The following WRN variants were observed in gnomAD, a reference collection of about 807,000 sequenced individuals.
WRN encodes the protein WRN RecQ like helicase.
WRN carries 149 observed loss-of-function variants against 180.7 expected under a neutral mutation model. The observed-to-expected ratio is 0.82, with a 90% CI of 0.72 to 0.94. The LOEUF is 0.94. Among genes scored for constraint, WRN ranks in the 40% least tolerant of loss-of-function variants. The pLI is 0.00. For missense variants in WRN, 1,661 were observed against 1,700.1 expected (o/e 0.98, Z 0.40); for synonymous variants, 548 against 568.9 (o/e 0.96, Z 0.52).
intron 16 of WRN, among the ~76,000 whole-genome samples, chr8:31,094,158 C>CT: frequency 6.6e-6 from 1 of 152,172 alleles, no homozygotes; most frequent in Admixed American, 6.5e-5. Context: ...GTTTAACTTT[C>CT]TTTTTTCTAA....
At chr8:31,122,860 G>GTTTTTTTTTT (rs71206298) in intron 21 of WRN, among the ~76,000 whole-genome samples, 10 of 69,484 alleles carry the variant, frequency 1.4e-4, no homozygotes, top group Non-Finnish European at 2.4e-4. Flanking sequence ...TTCTTTTCTT[G>GTTTTTTTTTT]TTTTTTTTTT....
intron 24 of WRN, among the ~76,000 whole-genome samples, chr8:31,140,003 GTTTTTTTTTTTT>G (rs71539917): frequency 1.4e-4 from 9 of 62,086 alleles, no homozygotes; most frequent in Admixed American, 2.8e-4. Flanking sequence ...ATACTTCTTT[GTTTTTTTTTTTT>G]TTTTTTTTTT....
chr8:31,110,948 T>C (rs141354500), intron 18 of WRN, among the ~76,000 whole-genome samples: 1 of 152,344 alleles, frequency 6.6e-6, no homozygotes, highest in African/African-American at 2.4e-5. Context: ...TTCATGCTTT[T>C]CCTGATAACT....
chr8:31,056,735 TATTA>T (rs1418093274), intron 1 of WRN, among the ~76,000 whole-genome samples: 1 of 152,046 alleles, frequency 6.6e-6, no homozygotes, highest in African/African-American at 2.4e-5. Context: ...ACTCCTGTAT[TATTA>T]ATTATGTGGT....
chr8:31,042,069 C>G (rs1811680812), intron 1 of WRN, among the ~76,000 whole-genome samples: 1 of 152,026 alleles, frequency 6.6e-6, no homozygotes, highest in South Asian at 2.1e-4. Context: ...CTTAAAAGCC[C>G]CAGTTAGATG....
Position 31,141,560 on chromosome 8 carries a change from G to T in WRN, c.3098G>T (p.Arg1033Leu), listed in dbSNP as rs367789256. The T allele has an allele frequency of 7.4e-6, 12 of 1,614,060 alleles. No homozygotes were observed. Among genetic ancestry groups the T allele is most frequent in the South Asian group, 1.1e-5 (1 of 91,064 alleles). ...ITEGFLVEVSRYNKFMKICAL... is the reference protein window; with the variant it reads ...ITEGFLVEVSLYNKFMKICAL... ...GAGGGATTCTTGGTAGAAGTTTCTC[G>T]GTATAACAAATTTATGAAGATTTGC... Residue 1033 changes from arginine to leucine, a missense_variant, in exon 25 of 35, where the codon CGG becomes CTG. This residue lies in a region of WRN where 1,141 missense variants were observed against 1,149.4 expected (regional missense o/e 0.99). Coordinates refer to ENST00000298139, the MANE Select transcript of WRN (RefSeq NM_000553.6).
chr8:31,062,055 C>G (rs1422779641), intron 3 of WRN, among the ~76,000 whole-genome samples: 1 of 152,148 alleles, frequency 6.6e-6, no homozygotes, highest in Non-Finnish European at 1.5e-5. Context: ...CCTTGGGATT[C>G]TTCTCCCTGT....
intron 1 of WRN, among the ~76,000 whole-genome samples, chr8:31,047,415 A>G (rs11778723): frequency 0.5 from 76,096 of 151,910 alleles, 20,452 homozygotes; most frequent in Middle Eastern, 0.61. Flanking sequence ...GGCACGTACC[A>G]CTACATCCAG....
intron 6 of WRN, 134 bp downstream of exon 6, chr8:31,067,316 G>C: frequency 9.6e-7 from 1 of 1,045,080 alleles, no homozygotes; most frequent in South Asian, 1.5e-5. Flanking sequence ...ATTGAAAAAT[G>C]CTTAGGAAGA....
chr8:31,077,138 A>G (rs2130099560), intron 8 of WRN, among the ~76,000 whole-genome samples: 1 of 152,340 alleles, frequency 6.6e-6, no homozygotes, highest in Non-Finnish European at 1.5e-5. Context: ...TTTGATTGAG[A>G]TTTAAAACCA....
intron 32 of WRN, among the ~76,000 whole-genome samples, chr8:31,157,081 CG>C (rs1167006798): frequency 6.6e-6 from 1 of 152,148 alleles, no homozygotes; most frequent in Non-Finnish European, 1.5e-5. Flanking sequence ...CTGCCACTAA[CG>C]GCTTTCTAAA....
chr8:31,044,372 G>A (rs1266184754), intron 1 of WRN, among the ~76,000 whole-genome samples: 2 of 62,038 alleles, frequency 3.2e-5, no homozygotes, highest in South Asian at 5.3e-4. Context: ...TTTTTGAGAC[G>A]TTGAGATAGA....
In WRN at chr8:31,174,148, A is replaced by G. The variant is rs1415169612; in HGVS notation, c.*1046A>G. ...TCATTTGTTTTTAGTTAAAATATAA[A>G]AGTCTCGTATATTCCCATTTTTCTG... On this transcript the variant is annotated 3_prime_UTR_variant, in exon 35 of 35. Coordinates refer to ENST00000298139, the MANE Select transcript of WRN (RefSeq NM_000553.6). Among the ~76,000 whole-genome samples the G allele has an allele frequency of 2.0e-5, 3 of 152,204 alleles. No homozygotes were observed. Among genetic ancestry groups the G allele is most frequent in the African/African-American group, 7.2e-5 (3 of 41,452 alleles).
rs76337727 is a variant in WRN at position 31,067,398 on chromosome 8, A to G, written c.654+216A>G. Among the ~76,000 whole-genome samples the G allele has an allele frequency of 7.3e-3, 1,119 of 152,286 alleles. 16 individuals are homozygous for G. The highest frequency in any genetic ancestry group is 0.026 in the African/African-American group (1,079 of 41,568). On this transcript the variant is annotated intron_variant, in intron 6 of 34. Coordinates refer to ENST00000298139, the MANE Select transcript of WRN (RefSeq NM_000553.6). ...TCAACAGATTGTTCAATGCTAGTTT[A>G]TTTTCATTGTCATGAAGCCAAATTA...
chr8:31,104,459 TTC>T (rs1181540942), intron 18 of WRN, among the ~76,000 whole-genome samples: 1 of 152,224 alleles, frequency 6.6e-6, no homozygotes, highest in East Asian at 1.9e-4. Flanking sequence ...TTTCAAATAT[TTC>T]TTTCACTTTG....
rs374142752 is a variant in WRN, at chr8:31,076,195, C to A, written c.747C>A (p.Asp249Glu). 4.0e-5 allele frequency: 65 copies of A among 1,613,500 alleles called. No individual in the cohort carries two copies. Among genetic ancestry groups the A allele is most frequent in the Admixed American group, 8.3e-5 (5 of 59,982 alleles). ...TAGAGGAAGAAATCCTACTTAGCGA[C>A]ATGAACAAACAGTTGACTTCAATCT... is the stretch of plus-strand genomic sequence containing the variant. The part of the protein sequence containing the change: ...INKEEEILLS[D>E]MNKQLTSISE... Residue 249 changes from aspartate (D) to glutamate (E), a missense_variant, in exon 8 of 35, where the codon GAC becomes GAA. This residue lies in a region of WRN where 500 missense variants were observed against 504.1 expected (regional missense o/e 0.99). Transcript: ENST00000298139.
At chr8:31,070,109 T>C (rs187206656) in intron 7 of WRN, among the ~76,000 whole-genome samples, 57 of 151,894 alleles carry the variant, frequency 3.8e-4, no homozygotes, top group African/African-American at 1.2e-3. Flanking sequence ...TTCCAGTGAA[T>C]TGTATTAGGT....
intron 24 of WRN, among the ~76,000 whole-genome samples, chr8:31,140,641 T>C (rs1340011510): frequency 6.6e-6 from 1 of 152,246 alleles, no homozygotes; most frequent in East Asian, 1.9e-4. Context: ...AAGTAAACTT[T>C]GCAGTGTATC....
intron 13 of WRN, 125 bp downstream of exon 13, chr8:31,089,090 G>GAAAA: frequency 1.3e-6 from 1 of 743,928 alleles, no homozygotes; most frequent in Non-Finnish European, 2.3e-6. Context: ...ATGCCACACT[G>GAAAA]TATTTTCTGT....
Sources: gnomAD v4.1 joint callset for allele counts (sites outside exome capture counted in the v4.1 genomes callset) on GRCh38, gnomAD v4.1.1 for gene constraint, gnomAD v4.1.1 regional missense constraint, MANE v1.5 for transcripts, NCBI Gene and HGNC (gene_info 2026-07-23, HGNC 2026-07-21) for gene names.